The following LEF1 variants were observed in gnomAD, a reference collection of about 807,000 sequenced individuals.
The protein encoded by LEF1 is lymphoid enhancer binding factor 1.
A neutral mutation model predicts 51.2 loss-of-function variants in LEF1; 14 were observed. The ratio of observed to expected loss-of-function variants is 0.27; its 90% CI spans 0.18 to 0.43. The LOEUF (loss-of-function observed/expected upper bound fraction) is 0.43. Among genes scored for constraint, LEF1 ranks in the 20% least tolerant of loss-of-function variants. LEF1 has a pLI of 1.00. For missense variants in LEF1, 386 were observed against 512.0 expected, an observed-to-expected ratio of 0.75 and a Z score of 2.37; for synonymous variants, 185 against 183.2, an observed-to-expected ratio of 1.01 and a Z score of -0.08.
intron 3 of LEF1, among the ~76,000 whole-genome samples, chr4:108,098,322 G>GA (rs1740522881): frequency 1.3e-5 from 2 of 152,100 alleles, no homozygotes; most frequent in Admixed American, 1.3e-4. Context: ...ATCTCCTGTG[G>GA]CGGGGTTGTG....
chr4:108,158,749 A>T (rs1744889771), intron 3 of LEF1, among the ~76,000 whole-genome samples: 1 of 152,110 alleles, frequency 6.6e-6, no homozygotes. Context: ...TCCGCTACAA[A>T]ATTGATATTA....
At chr4:108,142,766 A>G (rs1287943373) in intron 3 of LEF1, among the ~76,000 whole-genome samples, 1 of 152,214 alleles carries the variant, frequency 6.6e-6, no homozygotes, top group Non-Finnish European at 1.5e-5. Context: ...TGCCCTAATC[A>G]ATATTACATA....
intron 4 of LEF1, among the ~76,000 whole-genome samples, chr4:108,085,942 T>C (rs1171757346): frequency 6.6e-6 from 1 of 152,242 alleles, no homozygotes; most frequent in African/African-American, 2.4e-5. Context: ...TATCTAACCA[T>C]GGTTTTCTGC....
chr4:108,073,362 G>GT (rs1738623120), intron 8 of LEF1, among the ~76,000 whole-genome samples: 1 of 152,130 alleles, frequency 6.6e-6, no homozygotes, highest in South Asian at 2.1e-4. Flanking sequence ...TCCAGCCTGG[G>GT]TGATAGAGCA....
At chr4:108,114,417 A>C (rs1741713313) in intron 3 of LEF1, among the ~76,000 whole-genome samples, 1 of 152,224 alleles carries the variant, frequency 6.6e-6, no homozygotes, top group Non-Finnish European at 1.5e-5. Context: ...AAACAGCAGG[A>C]TAAGAAATGT....
chr4:108,144,388 T>C (rs1743866086), intron 3 of LEF1, among the ~76,000 whole-genome samples: 1 of 152,178 alleles, frequency 6.6e-6, no homozygotes, highest in Non-Finnish European at 1.5e-5. Flanking sequence ...ACTGCTCTCC[T>C]GTCTTCCCCA....
At chr4:108,098,105 T>A (rs182532937) in intron 3 of LEF1, among the ~76,000 whole-genome samples, 3 of 152,144 alleles carry the variant, frequency 2.0e-5, no homozygotes, top group Admixed American at 2.0e-4. Flanking sequence ...CTCAACAAGG[T>A]TTTCTGGTGC....
chr4:108,142,539 ATAAT>A (rs1451288306), intron 3 of LEF1, among the ~76,000 whole-genome samples: 8 of 152,234 alleles, frequency 5.3e-5, no homozygotes, highest in Middle Eastern at 3.2e-3. Context: ...TTTTTTAAAA[ATAAT>A]TAAGACATTT....
At chr4:108,163,465 T>A in intron 3 of LEF1, 103 bp downstream of exon 3, 1 of 1,258,988 alleles carries the variant, frequency 7.9e-7, no homozygotes, top group South Asian at 1.4e-5. Context: ...TAGTTATATA[T>A]AATGAAAGCA....
intron 3 of LEF1, among the ~76,000 whole-genome samples, chr4:108,157,177 TATAC>T (rs1391980742): frequency 2.4e-3 from 216 of 89,364 alleles, no homozygotes; most frequent in African/African-American, 6.6e-3. Flanking sequence ...TCTATATATA[TATAC>T]ACACACACAC....
chr4:108,076,151 C>T (rs1205251246), intron 8 of LEF1, among the ~76,000 whole-genome samples: 1 of 152,172 alleles, frequency 6.6e-6, no homozygotes, highest in Non-Finnish European at 1.5e-5. Flanking sequence ...ATACAGTTTC[C>T]TCAGAGGGGC....
chr4:108,163,103 C>T (rs989192259), intron 3 of LEF1, among the ~76,000 whole-genome samples: 1 of 152,086 alleles, frequency 6.6e-6, no homozygotes, highest in Non-Finnish European at 1.5e-5. Flanking sequence ...GAAACATTGG[C>T]CGATACAATA....
At chr4:108,147,370 ACATCT>A in intron 3 of LEF1, among the ~76,000 whole-genome samples, 1 of 152,350 alleles carries the variant, frequency 6.6e-6, no homozygotes, top group Admixed American at 6.5e-5. Flanking sequence ...ACAAAAACAA[ACATCT>A]CAGATAGCCC....
intron 3 of LEF1, among the ~76,000 whole-genome samples, chr4:108,127,721 A>T (rs1276577808): frequency 6.6e-6 from 1 of 152,234 alleles, no homozygotes; most frequent in Non-Finnish European, 1.5e-5. Flanking sequence ...TTAGGAATAT[A>T]AATAGCAGGA....
chr4:108,118,962 T>G (rs192886498), intron 3 of LEF1, among the ~76,000 whole-genome samples: 1 of 152,132 alleles, frequency 6.6e-6, no homozygotes, highest in Admixed American at 6.5e-5. Context: ...GATTTTTTTG[T>G]GTATATTCAA....
chr4:108,153,911 C>T (rs1288462855), intron 3 of LEF1, among the ~76,000 whole-genome samples: 1 of 152,140 alleles, frequency 6.6e-6, no homozygotes, highest in Admixed American at 6.5e-5. Context: ...CCTTATGTTC[C>T]TATTGCCATG....
intron 3 of LEF1, among the ~76,000 whole-genome samples, chr4:108,093,260 T>C (rs765670089): frequency 1.3e-5 from 2 of 152,118 alleles, no homozygotes; most frequent in African/African-American, 2.4e-5. Context: ...GGCTGCCCAA[T>C]ACAGTGGAAT....
At chr4:108,143,937 A>G (rs1225417308) in intron 3 of LEF1, among the ~76,000 whole-genome samples, 2 of 152,148 alleles carry the variant, frequency 1.3e-5, no homozygotes, top group Non-Finnish European at 2.9e-5. Context: ...CTCGTTATAT[A>G]GCATAATCTA....
chr4:108,168,087 C>T lies in LEF1; in HGVS notation c.-320G>A, dbSNP rs1050714399. On this transcript the variant is annotated 5_prime_UTR_variant, in exon 1 of 12. Coordinates refer to ENST00000265165, the MANE Select transcript of LEF1 (RefSeq NM_016269.5). The surrounding 1 kb of genome is among the most constrained non-coding windows in gnomAD (Gnocchi z 4.6). ...TCCGGGGGCGTCTGCGCGGCGCGCG[C>T]TAGACGAGGCTGCCCCGGCGGCCAC... 1.9e-5 allele frequency: 3 copies of T among 154,328 alleles called. No homozygotes were observed. Among genetic ancestry groups the T allele is most frequent in the East Asian group, 1.9e-4 (1 of 5,232 alleles). 9.6% of individuals were successfully genotyped at this position (154,328 alleles called of 1,614,324 possible).
Sources: gnomAD v4.1 joint callset for allele counts (sites outside exome capture counted in the v4.1 genomes callset) on GRCh38, gnomAD v4.1.1 for gene constraint, Gnocchi (gnomAD v3.1) non-coding constraint, MANE v1.5 for transcripts, NCBI Gene and HGNC (gene_info 2026-07-23, HGNC 2026-07-21) for gene names.